Variants in DMXL1 observed in about 807,000 individuals in gnomAD.
DMXL1 encodes dmX-like protein 1.
A neutral mutation model predicts 319.2 loss-of-function variants in DMXL1; 99 were observed. The ratio of observed to expected loss-of-function variants is 0.31; its 90% confidence interval spans 0.26 to 0.37. The LOEUF (loss-of-function observed/expected upper bound fraction) is 0.37. DMXL1 is among the 10% of genes least tolerant of loss of function. The pLI is 1.00. For synonymous variants in DMXL1, 1,385 were observed against 1,235.2 expected, an observed-to-expected ratio of 1.12 and a Z score of -2.54; for missense variants, 3,745 against 3,595.6, an observed-to-expected ratio of 1.04 and a Z score of -1.06.
chr5:119,134,436 T>G, intron 13 of DMXL1, 47 bp downstream of exon 13: 2 of 1,465,160 alleles, frequency 1.4e-6, no homozygotes, highest in Non-Finnish European at 1.8e-6. Flanking sequence ...TATTATGTTT[T>G]CAGATAGTTT....
In DMXL1 at chr5:119,133,704, A is replaced by T. The variant is rs149191726; in HGVS notation, c.1780A>T (p.Thr594Ser). Residue 594 changes from threonine to serine, a missense_variant, in exon 12 of 44, where the codon ACG becomes TCG. This residue lies in a region of DMXL1 where 2,096 missense variants were observed against 1,985.4 expected (regional missense o/e 1.06). Transcript: ENST00000539542. ...SSNSLKLSIF[T>S]PNVMMISKHA... ...TAATAGTTTAAAATTAAGTATTTTT[A>T]CGCCTAATGTTATGATGATATCAAA... is the stretch of plus-strand genomic sequence containing the variant. 3.7e-6 allele frequency: 6 copies of T among 1,614,084 alleles called. No individual in the cohort carries two copies. The African/African-American group carries it at 8.0e-5, about 22-fold the overall frequency.
At chr5:119,188,452 T>A (rs1309965239) in intron 28 of DMXL1, among the ~76,000 whole-genome samples, 1 of 152,238 alleles carries the variant, frequency 6.6e-6, no homozygotes, top group Non-Finnish European at 1.5e-5. Flanking sequence ...AATTGATATA[T>A]TTATCTTAAA....
chr5:119,120,469 G>T (rs1372790802), intron 8 of DMXL1, among the ~76,000 whole-genome samples: 1 of 152,182 alleles, frequency 6.6e-6, no homozygotes, highest in East Asian at 1.9e-4. Flanking sequence ...TGAAAGATGG[G>T]AATAACAATA....
chr5:119,203,143 A>G (rs1289699837), intron 32 of DMXL1, among the ~76,000 whole-genome samples, 176 bp from the exon 33 acceptor site: 1 of 151,938 alleles, frequency 6.6e-6, no homozygotes, highest in African/African-American at 2.4e-5. Flanking sequence ...AGCCTGAATT[A>G]TGTACTAATC....
chr5:119,172,083 G>A (rs1350421967), intron 25 of DMXL1, 114 bp downstream of exon 25: 10 of 930,138 alleles, frequency 1.1e-5, no homozygotes, highest in Admixed American at 2.9e-5. Context: ...CATAGCAATT[G>A]TTACATTGCC....
intron 19 of DMXL1, 143 bp from the exon 20 acceptor site, chr5:119,164,364 T>TA: frequency 1.3e-6 from 1 of 749,022 alleles, no homozygotes; most frequent in Non-Finnish European, 2.0e-6. Context: ...AGGAAAAACT[T>TA]AAAAAAGCCC....
intron 29 of DMXL1, among the ~76,000 whole-genome samples, chr5:119,192,383 G>T (rs1212393550): frequency 6.6e-6 from 1 of 152,092 alleles, no homozygotes; most frequent in Non-Finnish European, 1.5e-5. Flanking sequence ...ACAGAAATGT[G>T]CTTTAGTATC....
intron 1 of DMXL1, among the ~76,000 whole-genome samples, chr5:119,076,760 C>T (rs1750972976): frequency 1.3e-5 from 2 of 152,164 alleles, no homozygotes; most frequent in Non-Finnish European, 2.9e-5. Flanking sequence ...AGAATACTGA[C>T]TGTTACAGCC....
chr5:119,170,858 A>G lies in DMXL1; in HGVS notation c.6067A>G (p.Ile2023Val), dbSNP rs1014061922. 1.3e-5 allele frequency: 21 copies of G among 1,612,666 alleles called. No individual in the cohort carries two copies. The highest frequency in any genetic ancestry group is 1.8e-5 in the Non-Finnish European group (21 of 1,179,708). The change falls in exon 24 of 44, where the codon ATA becomes GTA. Residue 2023 changes from isoleucine to valine, a missense_variant. Coordinates refer to ENST00000539542, the MANE Select transcript of DMXL1 (RefSeq NM_001290321.3). ...ENDLLNPSED[I>V]IAVQLKFRAC... ...TGACCTTTTAAATCCATCAGAAGAT[A>G]TAATTGCAGTTCAGTTAAAATTTAG... is the stretch of plus-strand genomic sequence containing the variant.
intron 1 of DMXL1, among the ~76,000 whole-genome samples, chr5:119,086,280 C>G (rs1364956970): frequency 6.6e-6 from 1 of 152,144 alleles, no homozygotes; most frequent in Non-Finnish European, 1.5e-5. Context: ...CCCACCTGGT[C>G]CCTTCCACAA....
Position 119,178,658 on chromosome 5 carries a change from A to G in DMXL1, c.7135+414A>G, listed in dbSNP as rs140445981. On this transcript the variant is annotated intron_variant, in intron 28 of 43. Transcript: ENST00000539542. Reference sequence around the variant, plus strand: ...GGGCTTTTCCAAAGCTCTTTCAGCCATCAGTTCTCATAGCCCTCCCAGTCT... The same window carrying G: ...GGGCTTTTCCAAAGCTCTTTCAGCCGTCAGTTCTCATAGCCCTCCCAGTCT... 587 of 985,330 alleles carry G rather than the reference A, an allele frequency of 6.0e-4. 4 individuals carry two copies. In the African/African-American group the frequency reaches 8.9e-3, roughly 15 times the overall value. 61.0% of individuals were successfully genotyped at this position (985,330 alleles called of 1,614,324 possible).
In DMXL1 at chr5:119,168,445, T is replaced by C. The variant is rs116333897; in HGVS notation, c.5398+581T>C. Among the ~76,000 whole-genome samples, 1,339 of 152,336 alleles carry C rather than the reference T, an allele frequency of 8.8e-3. 17 individuals carry two copies. Among genetic ancestry groups the C allele is most frequent in the South Asian group, 0.026 (127 of 4,828 alleles). On this transcript the variant is annotated intron_variant, in intron 23 of 43. Transcript: ENST00000539542. Reference sequence around the variant, plus strand: ...AATGAGATTTACTTTTCAGATATGTTTTCATAGATTGAATTGTGTTTGGTA... The same window carrying C: ...AATGAGATTTACTTTTCAGATATGTCTTCATAGATTGAATTGTGTTTGGTA...
chr5:119,123,370 A>AGAGGGAGAGGAGGGAGAGGGAGAG (rs1428133288), intron 9 of DMXL1, among the ~76,000 whole-genome samples: 2 of 30,262 alleles, frequency 6.6e-5, no homozygotes, highest in African/African-American at 1.4e-4. Context: ...GAGAGGAGGG[A>AGAGGGAGAGGAGGGAGAGGGAGAG]GAGGGAGAGG....
intron 25 of DMXL1, among the ~76,000 whole-genome samples, chr5:119,173,938 G>A (rs1775269522): frequency 1.3e-5 from 2 of 151,138 alleles, no homozygotes; most frequent in South Asian, 4.2e-4. Context: ...CTGAGAACCA[G>A]GAGAGCTATA....
At chr5:119,125,032 A>G (rs1409702608) in intron 9 of DMXL1, among the ~76,000 whole-genome samples, 1 of 152,246 alleles carries the variant, frequency 6.6e-6, no homozygotes, top group Non-Finnish European at 1.5e-5. Context: ...TGTATGACCT[A>G]GGACATATAA....
chr5:119,174,817 C>G (rs961841329), intron 25 of DMXL1, among the ~76,000 whole-genome samples: 1 of 152,190 alleles, frequency 6.6e-6, no homozygotes, highest in East Asian at 1.9e-4. Context: ...TCACTCTCTT[C>G]AAATTGTTTT....
At position 119,206,828 on chromosome 5, in the gene DMXL1, A is replaced by T. The variant is rs1324648954; in HGVS notation, c.7864-6A>T. On this transcript the variant is annotated splice_polypyrimidine_tract_variant and splice_region_variant and intron_variant, in intron 33 of 43. Coordinates refer to ENST00000539542, the MANE Select transcript of DMXL1 (RefSeq NM_001290321.3). ...TTTGTCATGTGGTTATTCTTTCTTG[A>T]TGAAGTCATTAGAGGACAACAGTGA... 5.3e-6 allele frequency: 8 copies of T among 1,507,780 alleles called. No individual in the cohort carries two copies. The highest frequency in any genetic ancestry group is 2.8e-5 in the African/African-American group (2 of 72,032). 93.4% of individuals were successfully genotyped at this position (1,507,780 alleles called of 1,614,324 possible). A position where few individuals can be genotyped will look rare whatever the true frequency, so the allele number is the denominator to read the frequency against.
chr5:119,170,132 A>G, intron 23 of DMXL1, 58 bp from the exon 24 acceptor site: 4 of 1,504,542 alleles, frequency 2.7e-6, no homozygotes, highest in South Asian at 2.8e-5. Context: ...AAAAGACACT[A>G]CAATAGAAAC....
At chr5:119,233,546 A>G in intron 39 of DMXL1, 79 bp downstream of exon 39, 1 of 1,237,028 alleles carries the variant, frequency 8.1e-7, no homozygotes, top group Non-Finnish European at 1.2e-6. Context: ...GTTTCTGAAA[A>G]GAACAGCTCC....
Sources: gnomAD v4.1 joint callset for allele counts (sites outside exome capture counted in the v4.1 genomes callset) on GRCh38, gnomAD v4.1.1 for gene constraint, gnomAD v4.1.1 regional missense constraint, MANE v1.5 for transcripts, NCBI Gene and HGNC (gene_info 2026-07-23, HGNC 2026-07-21) for gene names.